Variants in PGRMC2 observed in about 807,000 individuals in gnomAD.
The protein encoded by PGRMC2 is membrane-associated progesterone receptor component 2.
In PGRMC2, 9 loss-of-function variants were observed where a neutral mutation model predicts 19.3. The ratio of observed to expected loss-of-function variants is 0.47; its 90% CI spans 0.28 to 0.81. PGRMC2 has a LOEUF of 0.81. PGRMC2 is among the 40% of genes least tolerant of loss of function. PGRMC2 has a pLI of 0.11. For missense variants in PGRMC2, 289 were observed against 297.3 expected (o/e 0.97, Z 0.21); for synonymous variants, 157 against 124.6 (o/e 1.26, Z -1.73).
intron 1 of PGRMC2, among the ~76,000 whole-genome samples, chr4:128,274,753 A>G (rs1760783492): frequency 6.6e-6 from 1 of 152,182 alleles, no homozygotes. Flanking sequence ...TTATAAACTT[A>G]AAAAAGCAAA....
At chr4:128,271,473 A>T (rs1578881102) in intron 2 of PGRMC2, 60 bp from the exon 3 acceptor site, 1 of 815,578 alleles carries the variant, frequency 1.2e-6, no homozygotes, top group East Asian at 2.5e-5. Flanking sequence ...ATTCCATTAT[A>T]CAGAGAAAAG....
In PGRMC2 at chr4:128,287,401, C is replaced by A; in HGVS notation, c.390G>T (p.Val130=). ...GGCCGTAGAACTTGCTGCCTTTGGT[C>A]ACGTCGAAGACTTTCCCATTGACCG... ...LLAVNGKVFD[V]TKGSKFYGPA... is the part of the protein sequence containing the mutation. The change falls in exon 1 of 3, where the codon GTG becomes GTT. Residue 130 remains valine (V), a synonymous_variant. Coordinates refer to ENST00000296425, the MANE Select transcript of PGRMC2 (RefSeq NM_006320.6). The A allele has an allele frequency of 1.2e-6, 2 of 1,606,740 alleles. No homozygotes were observed. Among genetic ancestry groups the A allele is most frequent in the South Asian group, 2.2e-5 (2 of 90,800 alleles).
chr4:128,271,715 T>G (rs1385098680), intron 2 of PGRMC2, among the ~76,000 whole-genome samples: 1 of 152,060 alleles, frequency 6.6e-6, no homozygotes, highest in Admixed American at 6.6e-5. Flanking sequence ...TAAAAATGAG[T>G]AAGTCCAGGA....
chr4:128,284,934 C>A (rs1014178231), intron 1 of PGRMC2, among the ~76,000 whole-genome samples: 1 of 152,086 alleles, frequency 6.6e-6, no homozygotes, highest in Non-Finnish European at 1.5e-5. Flanking sequence ...AGGTTCCTTT[C>A]AATAATAAAA....
intron 1 of PGRMC2, among the ~76,000 whole-genome samples, chr4:128,284,592 C>A (rs959995728): frequency 6.6e-5 from 10 of 151,966 alleles, no homozygotes. Flanking sequence ...TAATTAAGAG[C>A]CTGAACTTTA....
At chr4:128,277,247 C>T (rs4975180) in intron 1 of PGRMC2, among the ~76,000 whole-genome samples, 102,704 of 152,070 alleles carry the variant, frequency 0.68, 34,954 homozygotes, top group Middle Eastern at 0.74. Flanking sequence ...ATTTAGTTTT[C>T]AGTGTCAATC....
chr4:128,282,650 T>C (rs1760926152), intron 1 of PGRMC2, among the ~76,000 whole-genome samples: 1 of 152,236 alleles, frequency 6.6e-6, no homozygotes, highest in Non-Finnish European at 1.5e-5. Context: ...ATATGGGCAT[T>C]AGCCCAAACA....
At chr4:128,279,760 T>TACTATA (rs1760875783) in intron 1 of PGRMC2, among the ~76,000 whole-genome samples, 1 of 152,192 alleles carries the variant, frequency 6.6e-6, no homozygotes, top group African/African-American at 2.4e-5. Flanking sequence ...GTGAAGGGTA[T>TACTATA]GCATAGTATA....
intron 1 of PGRMC2, among the ~76,000 whole-genome samples, chr4:128,274,010 T>A (rs1760769716): frequency 1.3e-5 from 2 of 152,216 alleles, no homozygotes; most frequent in Admixed American, 1.3e-4. Flanking sequence ...TATTGCTACA[T>A]CGTATCACAT....
chr4:128,277,334 A>G lies in PGRMC2; in HGVS notation c.419-4817T>C, dbSNP rs140737751. ...TCCTAAAACTGCTTACTTTAATACAATCAGTTAGAATGAGGTGACATATTC... is the reference window on the plus strand; with the variant it reads ...TCCTAAAACTGCTTACTTTAATACAGTCAGTTAGAATGAGGTGACATATTC... On this transcript the variant is annotated intron_variant, in intron 1 of 2. Coordinates refer to ENST00000296425, the MANE Select transcript of PGRMC2 (RefSeq NM_006320.6). Among the ~76,000 whole-genome samples the G allele has an allele frequency of 5.5e-3, 839 of 152,326 alleles. 8 individuals are homozygous for G. The highest frequency in any genetic ancestry group is 0.019 in the African/African-American group (798 of 41,564).
At chr4:128,286,602 A>G in intron 1 of PGRMC2, 1 of 398,586 alleles carries the variant, frequency 2.5e-6, no homozygotes, top group South Asian at 1.3e-4. Context: ...AAAAGAAAAA[A>G]GAAACCAGAG....
chr4:128,282,873 A>C (rs1760929180), intron 1 of PGRMC2, among the ~76,000 whole-genome samples: 1 of 152,230 alleles, frequency 6.6e-6, no homozygotes, highest in Non-Finnish European at 1.5e-5. Flanking sequence ...TTCAAGGTAC[A>C]TGTGTTCTTT....
intron 2 of PGRMC2, 24 bp downstream of exon 2, chr4:128,272,338 A>C: frequency 7.1e-7 from 1 of 1,403,252 alleles, no homozygotes; most frequent in Non-Finnish European, 9.4e-7. Context: ...TAATTTTCCA[A>C]AGAATCCAAC....
In PGRMC2 at chr4:128,287,640, C is replaced by T. The variant is rs773846267; in HGVS notation, c.151G>A (p.Gly51Ser). 25 of 1,537,822 alleles carry T rather than the reference C, an allele frequency of 1.6e-5. No homozygotes were observed. In the South Asian group the frequency reaches 2.7e-4, roughly 17 times the overall value. ...AAAALALLTG[G>S]GEMLLNVALV... ...GCCACGTTCAGCAGCATTTCCCCGC[C>T]CCCCGTCAGAAGCGCCAACGCCGCC... is the stretch of plus-strand genomic sequence containing the variant. The change falls in exon 1 of 3, where the codon GGC becomes AGC. Residue 51 changes from glycine (G) to serine (S), a missense_variant. Gly to Ser is a moderately conservative substitution (Grantham distance 56). Transcript: ENST00000296425.
chr4:128,287,212 G>T, intron 1 of PGRMC2, 161 bp downstream of exon 1: 1 of 704,814 alleles, frequency 1.4e-6, no homozygotes, highest in Non-Finnish European at 2.3e-6. Context: ...CGGTGTGTGT[G>T]TAGGGGCGGG....
chr4:128,275,210 T>C lies in PGRMC2; in HGVS notation c.419-2693A>G, dbSNP rs1760789270. 2.0e-5 allele frequency among the ~76,000 whole-genome samples: 3 copies of C among 152,216 alleles called. No individual in the cohort carries two copies. In the South Asian group the frequency reaches 6.2e-4, roughly 32 times the overall value. On this transcript the variant is annotated intron_variant, in intron 1 of 2. Coordinates refer to ENST00000296425, the MANE Select transcript of PGRMC2 (RefSeq NM_006320.6). ...TCTAAGCATTCTATTATAGTATTTATCTCCATGGCCTGCAAACATTAATCT... is the reference window on the plus strand; with the variant it reads ...TCTAAGCATTCTATTATAGTATTTACCTCCATGGCCTGCAAACATTAATCT...
chr4:128,274,683 A>G (rs2110559205), intron 1 of PGRMC2, among the ~76,000 whole-genome samples: 1 of 152,252 alleles, frequency 6.6e-6, no homozygotes, highest in African/African-American at 2.4e-5. Context: ...TTTCTAAGAA[A>G]CAATGATAAA....
intron 1 of PGRMC2, among the ~76,000 whole-genome samples, chr4:128,279,418 T>A (rs1412176161): frequency 6.6e-6 from 1 of 152,126 alleles, no homozygotes; most frequent in Non-Finnish European, 1.5e-5. Context: ...TGGCAAGAAG[T>A]GAGAAACAGG....
Position 128,287,374 on chromosome 4 carries a change from C to A in PGRMC2, c.417G>T (p.Pro139=). ...DVTKGSKFYG[P]AGPYGIFAGR... ...TCCCCTCCCCTTCCAACTCCTCACC[C>A]GGGCCGTAGAACTTGCTGCCTTTGG... The change falls in exon 1 of 3, where the codon CCG becomes CCT. Residue 139 remains proline (P), a splice_region_variant and synonymous_variant. Transcript: ENST00000296425. The A allele has an allele frequency of 6.3e-7, 1 of 1,596,826 alleles. No homozygotes were observed. Among genetic ancestry groups the A allele is most frequent in the East Asian group, 2.3e-5 (1 of 44,172 alleles).
Sources: allele counts gnomAD v4.1 joint callset (sites outside exome capture counted in the v4.1 genomes callset), GRCh38; gene constraint gnomAD v4.1.1; transcripts MANE v1.5; gene names NCBI Gene and HGNC (gene_info 2026-07-23, HGNC 2026-07-21).